LRRCC1: variants seen among roughly 807,000 people sequenced by gnomAD.
LRRCC1 encodes leucine-rich repeat and coiled-coil domain-containing protein 1.
Under a neutral mutation model 126.0 loss-of-function variants are expected in LRRCC1, and 115 were observed. The observed-to-expected ratio is 0.91, with a 90% CI of 0.78 to 1.07. The LOEUF (loss-of-function observed/expected upper bound fraction) is 1.07. Among genes scored for constraint, LRRCC1 ranks in the 50% least tolerant of loss-of-function variants. The pLI is 0.00. For synonymous variants in LRRCC1, 400 were observed against 393.4 expected (o/e 1.02, Z -0.20); for missense variants, 1,172 against 1,175.7 (o/e 1.00, Z 0.05).
At chr8:85,130,827 G>T (rs1248997406) in intron 11 of LRRCC1, among the ~76,000 whole-genome samples, 1 of 152,150 alleles carries the variant, frequency 6.6e-6, no homozygotes. Flanking sequence ...TGCCTTTGTA[G>T]CACAAAAGTA....
chr8:85,109,467 C>G, intron 1 of LRRCC1, 128 bp from the exon 2 acceptor site: 2 of 597,130 alleles, frequency 3.3e-6, no homozygotes, highest in Non-Finnish European at 5.8e-6. Context: ...AAAGGTACCA[C>G]AAATAGGAAA....
rs975394779 is a variant in LRRCC1, at chr8:85,138,616, T to C, written c.2840+141T>C. On this transcript the variant is annotated intron_variant, in intron 17 of 18. Coordinates refer to ENST00000360375, the MANE Select transcript of LRRCC1 (RefSeq NM_033402.5). ...AAGAAGTTTATTTCCATTTCATCTG[T>C]AAAATGAAGATAGCAGTAGCACCTA... The C allele has an allele frequency of 1.0e-5, 9 of 858,868 alleles. No homozygotes were observed. In the Admixed American group the frequency reaches 2.3e-4, roughly 22 times the overall value. 53.2% of individuals were successfully genotyped at this position (858,868 alleles called of 1,614,324 possible).
At chr8:85,111,895 G>A (rs1808753491) in intron 3 of LRRCC1, among the ~76,000 whole-genome samples, 1 of 150,316 alleles carries the variant, frequency 6.7e-6, no homozygotes, top group Non-Finnish European at 1.5e-5. Flanking sequence ...TTTAATTTGA[G>A]GTAAAGTCTC....
chr8:85,142,154 C>T (rs1015389394), intron 18 of LRRCC1, among the ~76,000 whole-genome samples: 5 of 151,858 alleles, frequency 3.3e-5, no homozygotes, highest in African/African-American at 1.2e-4. Context: ...ATTAGCTGGG[C>T]GTGGTGGTGA....
intron 4 of LRRCC1, among the ~76,000 whole-genome samples, chr8:85,114,559 G>A (rs999046397): frequency 6.6e-6 from 1 of 151,972 alleles, no homozygotes; most frequent in Non-Finnish European, 1.5e-5. Flanking sequence ...AGATATGATT[G>A]TTCTTAGGGA....
At chr8:85,132,375 CTTTTTTTTTTTTTTTT>C (rs551423793) in intron 12 of LRRCC1, among the ~76,000 whole-genome samples, 2 of 109,960 alleles carry the variant, frequency 1.8e-5, no homozygotes, top group African/African-American at 3.6e-5. Flanking sequence ...TGAGTACTTT[CTTTTTTTTTTTTTTTT>C]TTTTTTTTTT....
chr8:85,107,438 C>T, intron 1 of LRRCC1, 39 bp downstream of exon 1: 1 of 1,530,750 alleles, frequency 6.5e-7, no homozygotes, highest in Non-Finnish European at 8.9e-7. Flanking sequence ...CCCGCGCACT[C>T]CCCAGAGCCG....
chr8:85,124,951 G>T lies in LRRCC1; in HGVS notation c.1272+12G>T. The T allele has an allele frequency of 6.4e-7, 1 of 1,558,258 alleles. No homozygotes were observed. The highest frequency in any genetic ancestry group is 1.2e-5 in the South Asian group (1 of 81,014). ...ACAACACTTACCAGGTATGATTTAA[G>T]AGTTAAAGAAAAAATGAGTATGAAT... On this transcript the variant is annotated intron_variant, in intron 8 of 18. Transcript: ENST00000360375.
intron 14 of LRRCC1, among the ~76,000 whole-genome samples, chr8:85,136,926 G>T (rs1810914999): frequency 6.6e-6 from 1 of 152,036 alleles, no homozygotes; most frequent in African/African-American, 2.4e-5. Context: ...CCGGGTTCAA[G>T]CAATTCTCCT....
intron 6 of LRRCC1, among the ~76,000 whole-genome samples, chr8:85,117,451 A>AAC (rs1401723449): frequency 3.3e-5 from 5 of 152,200 alleles, no homozygotes; most frequent in African/African-American, 7.2e-5. Context: ...GTAAAGAGTA[A>AAC]ACATGGAGTT....
At position 85,135,800 on chromosome 8, in the gene LRRCC1, C is replaced by A. The variant is rs867885869; in HGVS notation, c.2166C>A (p.Asn722Lys). Residue 722 changes from asparagine (N) to lysine (K), a missense_variant, in exon 14 of 19, where the codon AAC becomes AAA. Asn to Lys is a moderately conservative substitution (Grantham distance 94, BLOSUM62 0). Coordinates refer to ENST00000360375, the MANE Select transcript of LRRCC1 (RefSeq NM_033402.5). ...TTGGGAATATACAGAATCAAATCAA[C>A]ACCCTTGAAATTTTAATTGAAGATG... The part of the protein sequence containing the change: ...ETAANLQNQI[N>K]TLEILIEDDK... The A allele has an allele frequency of 3.3e-6, 5 of 1,521,138 alleles. No homozygotes were observed. The highest frequency in any genetic ancestry group is 1.4e-5 in the South Asian group (1 of 72,962). The allele number at this position is 1,521,138 out of a possible 1,614,324, so 94.2% of individuals were successfully genotyped here. A position where few individuals can be genotyped will look rare whatever the true frequency, so the allele number is the denominator to read the frequency against.
intron 17 of LRRCC1, among the ~76,000 whole-genome samples, chr8:85,140,552 A>G (rs1197543324): frequency 1.3e-5 from 2 of 152,200 alleles, no homozygotes; most frequent in African/African-American, 4.8e-5. Flanking sequence ...TATTATTTGT[A>G]TTTATATAAA....
At chr8:85,109,936 C>CA in intron 2 of LRRCC1, 136 bp downstream of exon 2, 3 of 623,216 alleles carry the variant, frequency 4.8e-6, no homozygotes, top group South Asian at 2.7e-5. Context: ...ATATTTTCTC[C>CA]AAAAAAGTGT....
chr8:85,122,710 G>A (rs996597559), intron 6 of LRRCC1, among the ~76,000 whole-genome samples: 19 of 152,078 alleles, frequency 1.2e-4, no homozygotes, highest in Non-Finnish European at 4.4e-5. Flanking sequence ...GTCATCTCAG[G>A]TTTGGTGTCC....
rs201637203 is a variant in LRRCC1 at position 85,141,382 on chromosome 8, G to A, written c.2841G>A (p.Lys947=). 2.7e-4 allele frequency: 435 copies of A among 1,608,036 alleles called. No homozygotes were observed. Among genetic ancestry groups the A allele is most frequent in the Non-Finnish European group, 3.5e-4 (408 of 1,176,884 alleles). The part of the protein sequence containing the change: ...AERDKSIELQ[K]NAMEKLHSMD... ...ATGTGGATGTTCTTGTTTTTTTAAG[G>A]AATGCAATGGAAAAACTTCATAGTA... Residue 947 remains lysine (K), a splice_region_variant and synonymous_variant, in exon 18 of 19, where the codon AAG becomes AAA. Transcript: ENST00000360375.
chr8:85,129,621 A>T (rs564818241), intron 10 of LRRCC1, among the ~76,000 whole-genome samples: 1 of 152,226 alleles, frequency 6.6e-6, no homozygotes, highest in Non-Finnish European at 1.5e-5. Flanking sequence ...TTAGGCTTTT[A>T]TTCTGAGAGA....
At chr8:85,125,023 C>CA in intron 8 of LRRCC1, 84 bp downstream of exon 8, 1 of 961,028 alleles carries the variant, frequency 1.0e-6, no homozygotes, top group Non-Finnish European at 1.5e-6. Flanking sequence ...CTTTTATTAG[C>CA]AAAAAGTGTT....
At chr8:85,112,773 T>C (rs1215736911) in intron 3 of LRRCC1, among the ~76,000 whole-genome samples, 159 bp from the exon 4 acceptor site, 1 of 152,202 alleles carries the variant, frequency 6.6e-6, no homozygotes, top group African/African-American at 2.4e-5. Flanking sequence ...AAGCAACAAT[T>C]AACTTTACTG....
At position 85,145,630 on chromosome 8, in the gene LRRCC1, T is replaced by A; in HGVS notation, c.*119T>A. 2 of 757,214 alleles carry A rather than the reference T, an allele frequency of 2.6e-6. No homozygotes were observed. The highest frequency in any genetic ancestry group is 2.0e-6 in the Non-Finnish European group (1 of 508,744). 46.9% of individuals were successfully genotyped at this position (757,214 alleles called of 1,614,324 possible). ...ATGTCTCTTTCTATACATTTCATTATGAATATATTTTTAAAGACTTTTGAT... is the reference window on the plus strand; with the variant it reads ...ATGTCTCTTTCTATACATTTCATTAAGAATATATTTTTAAAGACTTTTGAT... On this transcript the variant is annotated 3_prime_UTR_variant, in exon 19 of 19. Coordinates refer to ENST00000360375, the MANE Select transcript of LRRCC1 (RefSeq NM_033402.5).
Sources: allele counts gnomAD v4.1 joint callset (sites outside exome capture counted in the v4.1 genomes callset), GRCh38; gene constraint gnomAD v4.1.1; transcripts MANE v1.5; gene names NCBI Gene and HGNC (gene_info 2026-07-23, HGNC 2026-07-21).